The following EFHC1 variants were observed in gnomAD, a reference collection of about 807,000 sequenced individuals.
The protein encoded by EFHC1 is EF-hand domain-containing protein 1.
A neutral mutation model predicts 69.9 loss-of-function variants in EFHC1; 53 were observed. The ratio of observed to expected loss-of-function variants is 0.76; its 90% CI spans 0.61 to 0.95. The LOEUF is 0.95. EFHC1 is among the 40% of genes least tolerant of loss of function. The pLI, the probability that EFHC1 is intolerant of heterozygous loss-of-function variation, is 0.00. For synonymous variants in EFHC1, 256 were observed against 278.4 expected, an observed-to-expected ratio of 0.92 and a Z score of 0.80; for missense variants, 739 against 798.7, an observed-to-expected ratio of 0.93 and a Z score of 0.90.
At chr6:52,443,130 GGTT>G (rs1310659825) in intron 3 of EFHC1, among the ~76,000 whole-genome samples, 1 of 152,050 alleles carries the variant, frequency 6.6e-6, no homozygotes, top group African/African-American at 2.4e-5. Flanking sequence ...TTTTTGATGG[GGTT>G]GTTTTATTTT....
At chr6:52,446,771 G>C (rs9382109) in intron 3 of EFHC1, among the ~76,000 whole-genome samples, 129,181 of 152,202 alleles carry the variant, frequency 0.85, 55,387 homozygotes, top group African/African-American at 0.96. Context: ...GACAAAATCT[G>C]TCAGCATTTG....
Position 52,493,467 on chromosome 6 carries a change from A to G in EFHC1, c.*1126A>G, listed in dbSNP as rs1346499217. On this transcript the variant is annotated 3_prime_UTR_variant, in exon 11 of 11. Coordinates refer to ENST00000371068, the MANE Select transcript of EFHC1 (RefSeq NM_018100.4). ...ATGTGTATATATATTATGTATATACATATATGTGCACACATCTCTACTAAA... is the reference window on the plus strand; with the variant it reads ...ATGTGTATATATATTATGTATATACGTATATGTGCACACATCTCTACTAAA... 2.5e-5 allele frequency: 10 copies of G among 395,984 alleles called. No homozygotes were observed. Among genetic ancestry groups the G allele is most frequent in the Non-Finnish European group, 2.9e-5 (6 of 204,960 alleles). The allele number at this position is 395,984 out of a possible 1,614,324, so 24.5% of individuals were successfully genotyped here.
intron 4 of EFHC1, 122 bp downstream of exon 4, chr6:52,452,959 GT>G: frequency 6.3e-7 from 1 of 1,592,756 alleles, no homozygotes; most frequent in Non-Finnish European, 8.5e-7. Context: ...TAATTGAACT[GT>G]TTGGACACAG....
At chr6:52,428,756 C>A (rs1037308817) in intron 2 of EFHC1, among the ~76,000 whole-genome samples, 1 of 152,110 alleles carries the variant, frequency 6.6e-6, no homozygotes, top group East Asian at 1.9e-4. Flanking sequence ...TTTGAGGAAT[C>A]TTCACACTTT....
At chr6:52,460,760 GTCTT>G (rs1765147054) in intron 5 of EFHC1, among the ~76,000 whole-genome samples, 2 of 152,290 alleles carry the variant, frequency 1.3e-5, no homozygotes, top group East Asian at 3.9e-4. Flanking sequence ...TAGAGAAACT[GTCTT>G]TCAGGAAGAC....
At position 52,492,299 on chromosome 6, in the gene EFHC1, C is replaced by T; in HGVS notation, c.1881C>T (p.Gly627=). 1.2e-6 allele frequency: 2 copies of T among 1,614,000 alleles called. No individual in the cohort carries two copies. Among genetic ancestry groups the T allele is most frequent in the Non-Finnish European group, 1.7e-6 (2 of 1,179,946 alleles). Residue 627 remains glycine (G), a synonymous_variant, in exon 11 of 11, where the codon GGC becomes GGT. Transcript: ENST00000371068. ...ELIRMCSHGE[G]KINYYNFVRA... is the part of the protein sequence containing the mutation. Reference sequence around the variant, plus strand: ...TCAGGATGTGCTCTCATGGAGAAGGCAAAATTAACTACTATAACTTTGTTC... The same window carrying T: ...TCAGGATGTGCTCTCATGGAGAAGGTAAAATTAACTACTATAACTTTGTTC...
intron 3 of EFHC1, among the ~76,000 whole-genome samples, chr6:52,451,817 C>T (rs1458193721): frequency 6.6e-6 from 1 of 152,098 alleles, no homozygotes; most frequent in African/African-American, 2.4e-5. Flanking sequence ...TTTGCTAACA[C>T]GTTTTCTGGT....
chr6:52,454,809 G>A (rs1371802105), intron 5 of EFHC1, among the ~76,000 whole-genome samples: 1 of 152,134 alleles, frequency 6.6e-6, no homozygotes, highest in Non-Finnish European at 1.5e-5. Flanking sequence ...TACCTAGCAT[G>A]GGCTGGGCAT....
rs547905424 is a variant in EFHC1, at chr6:52,477,667, A to G, written c.1279-1370A>G. On this transcript the variant is annotated intron_variant, in intron 7 of 10. Coordinates refer to ENST00000371068, the MANE Select transcript of EFHC1 (RefSeq NM_018100.4). Reference sequence around the variant, plus strand: ...AGACATTTATGCAGCCAAAAAACACATGAAAAAATGCTCATCATCACTGGC... The same window carrying G: ...AGACATTTATGCAGCCAAAAAACACGTGAAAAAATGCTCATCATCACTGGC... Among the ~76,000 whole-genome samples, 5 of 152,368 alleles carry G rather than the reference A, an allele frequency of 3.3e-5. No homozygotes were observed. In the East Asian group the frequency reaches 7.7e-4, roughly 23 times the overall value.
intron 2 of EFHC1, among the ~76,000 whole-genome samples, chr6:52,428,025 G>A (rs1016021695): frequency 1.3e-5 from 2 of 152,076 alleles, no homozygotes; most frequent in African/African-American, 4.8e-5. Context: ...TATAAACTCA[G>A]AAGGTTAGAA....
In EFHC1 at chr6:52,493,317, C is replaced by T. The variant is rs1220173691; in HGVS notation, c.*976C>T. 2.3e-6 allele frequency: 1 copy of T among 425,696 alleles called. No individual in the cohort carries two copies. Among genetic ancestry groups the T allele is most frequent in the Non-Finnish European group, 4.6e-6 (1 of 217,004 alleles). 26.4% of individuals were successfully genotyped at this position (425,696 alleles called of 1,614,324 possible). A position where few individuals can be genotyped will look rare whatever the true frequency, so the allele number is the denominator to read the frequency against. ...GCAGATCTTGGGACTTGTAAGCCTT[C>T]ATAATTGTGTGAGCAATTTCTTATA... On this transcript the variant is annotated 3_prime_UTR_variant, in exon 11 of 11. Coordinates refer to ENST00000371068, the MANE Select transcript of EFHC1 (RefSeq NM_018100.4).
In EFHC1 at chr6:52,494,336, A is replaced by G. The variant is rs1765991388; in HGVS notation, c.*1995A>G. 1 of 454,118 alleles carries G rather than the reference A, an allele frequency of 2.2e-6. No homozygotes were observed. The highest frequency in any genetic ancestry group is 4.4e-6 in the Non-Finnish European group (1 of 226,796). 28.1% of individuals were successfully genotyped at this position (454,118 alleles called of 1,614,324 possible). ...TCCCCCAGGCTTAGAAGCCTGTGGT[A>G]AAGAGTGTGTGTATACTGGGGTGAT... is the stretch of plus-strand genomic sequence containing the variant. On this transcript the variant is annotated 3_prime_UTR_variant, in exon 11 of 11. Transcript: ENST00000371068.
chr6:52,478,181 A>T (rs1456556883), intron 7 of EFHC1, among the ~76,000 whole-genome samples: 1 of 152,090 alleles, frequency 6.6e-6, no homozygotes, highest in Non-Finnish European at 1.5e-5. Context: ...AAGAACAAAA[A>T]ACCAAACACC....
intron 7 of EFHC1, among the ~76,000 whole-genome samples, chr6:52,474,639 G>A (rs750302795): frequency 7.9e-5 from 12 of 152,254 alleles, no homozygotes; most frequent in Non-Finnish European, 1.6e-4. Flanking sequence ...GTATATTTGT[G>A]TCATAATTTG....
chr6:52,485,476 T>A (rs1765767354), intron 9 of EFHC1: 1 of 151,824 alleles, frequency 6.6e-6, no homozygotes, highest in South Asian at 2.1e-4. Flanking sequence ...CAGCAAGCTA[T>A]GGTTTTAGAT....
chr6:52,462,962 C>G (rs1765205983), intron 5 of EFHC1, among the ~76,000 whole-genome samples: 1 of 150,994 alleles, frequency 6.6e-6, no homozygotes, highest in Admixed American at 6.6e-5. Context: ...AACTTTATGC[C>G]AATAAATTTA....
Position 52,456,143 on chromosome 6 carries a change from G to A in EFHC1, c.916+1856G>A, listed in dbSNP as rs114998399. 5.6e-3 allele frequency among the ~76,000 whole-genome samples: 846 copies of A among 152,220 alleles called. 8 individuals are homozygous for A. The highest frequency in any genetic ancestry group is 0.019 in the African/African-American group (794 of 41,532). On this transcript the variant is annotated intron_variant, in intron 5 of 10. Coordinates refer to ENST00000371068, the MANE Select transcript of EFHC1 (RefSeq NM_018100.4). ...TCATTTTAGAATTAGGAAAGTTTAT[G>A]TTATATATTTTTTTAAAAAAATGAA...
At chr6:52,456,640 G>A (rs989791730) in intron 5 of EFHC1, among the ~76,000 whole-genome samples, 5 of 152,166 alleles carry the variant, frequency 3.3e-5, no homozygotes, top group Non-Finnish European at 5.9e-5. Context: ...CAGGCTGGTC[G>A]CTGTGGCCGA....
At position 52,495,559 on chromosome 6, in the gene EFHC1, C is replaced by T. The variant is rs2114045062; in HGVS notation, c.*3218C>T. The stretch of plus-strand genomic sequence containing the variant: ...ATTTAGGAAAGTCTCATTTAGCATC[C>T]TCTAGCCTGCTTTTGGCTGTTTTGT... On this transcript the variant is annotated 3_prime_UTR_variant, in exon 11 of 11. Transcript: ENST00000371068. The T allele has an allele frequency of 2.2e-6, 1 of 454,102 alleles. No individual in the cohort carries two copies. The highest frequency in any genetic ancestry group is 7.0e-5 in the East Asian group (1 of 14,380). The allele number at this position is 454,102 out of a possible 1,614,324, so 28.1% of individuals were successfully genotyped here.
Sources: allele counts gnomAD v4.1 joint callset (sites outside exome capture counted in the v4.1 genomes callset), GRCh38; gene constraint gnomAD v4.1.1; transcripts MANE v1.5; gene names NCBI Gene and HGNC (gene_info 2026-07-23, HGNC 2026-07-21).